The following WWOX variants were observed in gnomAD, a reference collection of about 807,000 sequenced individuals.
WWOX encodes WW domain containing oxidoreductase, also known as WW domain-containing oxidoreductase.
In WWOX, 69 loss-of-function variants were observed where a neutral mutation model predicts 46.2. The observed-to-expected ratio is 1.49, with a 90% confidence interval of 1.23 to 1.82. The LOEUF is 1.82. Among genes scored for constraint, WWOX ranks in the 40% most tolerant of loss-of-function variants. The probability of loss-of-function intolerance (pLI) is 0.00; values close to 1 mark genes in which losing one functional copy is unlikely to be tolerated. For missense variants in WWOX, 919 were observed against 542.6 expected, an observed-to-expected ratio of 1.69 and a Z score of -6.89; for synonymous variants, 359 against 202.6, an observed-to-expected ratio of 1.77 and a Z score of -6.56.
chr16:78,556,318 G>C (rs1045060411), intron 8 of WWOX, among the ~76,000 whole-genome samples: 8 of 152,026 alleles, frequency 5.3e-5, no homozygotes, highest in Non-Finnish European at 8.8e-5. Context: ...TCGGCGATTG[G>C]GAACGCTTGG....
intron 1 of WWOX, among the ~76,000 whole-genome samples, chr16:78,103,632 T>C (rs1407397894): frequency 6.6e-6 from 1 of 152,158 alleles, no homozygotes; most frequent in Admixed American, 6.5e-5. Flanking sequence ...TCAGTTTTAA[T>C]TTTTGCGCTG....
chr16:79,078,818 T>A (rs1199842719), intron 8 of WWOX, among the ~76,000 whole-genome samples: 1 of 152,206 alleles, frequency 6.6e-6, no homozygotes, highest in African/African-American at 2.4e-5. Context: ...TAATGAGACC[T>A]ATCCCTAACG....
chr16:78,691,173 G>A (rs1459208752), intron 8 of WWOX: 3 of 696,548 alleles, frequency 4.3e-6, no homozygotes, highest in Non-Finnish European at 7.8e-6. Flanking sequence ...CAGTGTTTGT[G>A]CGATAAGAGA....
chr16:78,541,027 G>A (rs1018044910), intron 8 of WWOX, among the ~76,000 whole-genome samples: 8 of 152,086 alleles, frequency 5.3e-5, no homozygotes, highest in Admixed American at 6.5e-5. Context: ...AGTTGGGGAG[G>A]TGGCGTGGGT....
rs11289222 is a variant in WWOX, at chr16:78,333,043, C to CTTTTTTTTTTTTTTTTT, written c.517-53809_517-53793dup. Among the ~76,000 whole-genome samples the CTTTTTTTTTTTTTTTTT allele has an allele frequency of 8.0e-3, 456 of 57,078 alleles. 91 individuals are homozygous for CTTTTTTTTTTTTTTTTT. Among genetic ancestry groups the CTTTTTTTTTTTTTTTTT allele is most frequent in the Non-Finnish European group, 0.012 (304 of 26,242 alleles). The allele number at this position is 57,078 out of a possible 152,430, so 37.4% of individuals were successfully genotyped here. A position where few individuals can be genotyped will look rare whatever the true frequency, so the allele number is the denominator to read the frequency against. On this transcript the variant is annotated intron_variant, in intron 5 of 8. Transcript: ENST00000566780. The stretch of plus-strand genomic sequence containing the variant: ...CTGAGTAGCATGGAAGAGCATTATA[C>CTTTTTTTTTTTTTTTTT]TTTTTTTTTTTTTTTTTTTTTTTTG...
intron 5 of WWOX, among the ~76,000 whole-genome samples, chr16:78,334,944 C>G (rs1288056310): frequency 7.0e-6 from 1 of 143,854 alleles, no homozygotes; most frequent in East Asian, 2.0e-4. Context: ...AAAAAGGCAG[C>G]AAAATGTGAG....
At chr16:78,289,747 C>T (rs2079829469) in intron 5 of WWOX, among the ~76,000 whole-genome samples, 1 of 152,096 alleles carries the variant, frequency 6.6e-6, no homozygotes. Context: ...GTCTTGTTTT[C>T]TTTTATACTG....
chr16:78,887,240 A>C, intron 8 of WWOX, among the ~76,000 whole-genome samples: 1 of 151,980 alleles, frequency 6.6e-6, no homozygotes, highest in East Asian at 1.9e-4. Context: ...ATCCATTGTC[A>C]TGACTGTAAA....
chr16:78,540,118 C>T lies in WWOX; in HGVS notation c.1056+107366C>T, dbSNP rs185721064. 2.9e-4 allele frequency among the ~76,000 whole-genome samples: 44 copies of T among 151,156 alleles called. No homozygotes were observed. In the East Asian group the frequency reaches 5.5e-3, roughly 19 times the overall value. ...TCCACCCTCACACTTTTTTTAGCTC[C>T]GATCTGTGTTCAATTTCTGCCTGAG... On this transcript the variant is annotated intron_variant, in intron 8 of 8. Transcript: ENST00000566780.
chr16:78,842,988 G>T (rs1294303453), intron 8 of WWOX, among the ~76,000 whole-genome samples: 4 of 150,352 alleles, frequency 2.7e-5, no homozygotes, highest in African/African-American at 9.7e-5. Context: ...CACAGGACTG[G>T]CAGGTGGAGA....
At chr16:78,435,479 G>T (rs28755792) in intron 8 of WWOX, among the ~76,000 whole-genome samples, 3,157 of 152,292 alleles carry the variant, frequency 0.021, 51 homozygotes, top group African/African-American at 0.045. Context: ...GATTAACTGC[G>T]CACTGAGCTT....
At chr16:78,189,769 C>G (rs2035823781) in intron 5 of WWOX, among the ~76,000 whole-genome samples, 3 of 152,172 alleles carry the variant, frequency 2.0e-5, no homozygotes. Context: ...ATTCTCCTGG[C>G]TCAACCTCCT....
intron 8 of WWOX, among the ~76,000 whole-genome samples, chr16:78,972,014 C>A (rs186631359): frequency 1.6e-4 from 25 of 152,242 alleles, no homozygotes; most frequent in Non-Finnish European, 3.1e-4. Context: ...GCTGTTTACT[C>A]CGAAACTTCT....
intron 8 of WWOX, chr16:78,895,830 T>C (rs989781221): frequency 4.6e-5 from 7 of 152,202 alleles, no homozygotes; most frequent in African/African-American, 1.7e-4. Context: ...AGTATCCGAC[T>C]ATATAAAGTC....
At position 78,523,348 on chromosome 16, in the gene WWOX, G is replaced by T. The variant is rs79747401; in HGVS notation, c.1056+90596G>T. On this transcript the variant is annotated intron_variant, in intron 8 of 8. Coordinates refer to ENST00000566780, the MANE Select transcript of WWOX (RefSeq NM_016373.4). ...GGATCCCCTGCTGTACCCAGCAAAT[G>T]CTGAGAGCCCTGCTTCCCCTCTTGT... is the stretch of plus-strand genomic sequence containing the variant. Among the ~76,000 whole-genome samples, 495 of 152,336 alleles carry T rather than the reference G, an allele frequency of 3.2e-3. 5 individuals are homozygous for T. The highest frequency in any genetic ancestry group is 0.027 in the East Asian group (139 of 5,164).
At chr16:79,168,652 T>G (rs868279130) in intron 8 of WWOX, among the ~76,000 whole-genome samples, 3 of 152,164 alleles carry the variant, frequency 2.0e-5, no homozygotes, top group East Asian at 1.9e-4. Context: ...GACTAGAATT[T>G]CCAGGTACTT....
intron 4 of WWOX, among the ~76,000 whole-genome samples, chr16:78,134,025 T>C (rs775769884): frequency 5.3e-5 from 8 of 152,350 alleles, no homozygotes; most frequent in East Asian, 1.9e-4. Flanking sequence ...CTAGACTGTT[T>C]CCTTAAAGAA....
At chr16:78,804,790 C>G (rs1041657464) in intron 8 of WWOX, among the ~76,000 whole-genome samples, 5 of 152,114 alleles carry the variant, frequency 3.3e-5, no homozygotes, top group Admixed American at 1.3e-4. Context: ...AGAGAAAATT[C>G]ACAGCCATCA....
intron 8 of WWOX, among the ~76,000 whole-genome samples, chr16:78,634,114 C>G (rs906648324): frequency 7.9e-5 from 12 of 152,094 alleles, no homozygotes; most frequent in Admixed American, 2.6e-4. Flanking sequence ...CTATATGACT[C>G]TGTACCAGAG....
Sources: gnomAD v4.1 joint callset for allele counts (sites outside exome capture counted in the v4.1 genomes callset) on GRCh38, gnomAD v4.1.1 for gene constraint, MANE v1.5 for transcripts, NCBI Gene and HGNC (gene_info 2026-07-23, HGNC 2026-07-21) for gene names.